CPA6: variants seen among roughly 807,000 people sequenced by gnomAD.
CPA6 encodes carboxypeptidase B.
In CPA6, 58 loss-of-function variants were observed where a neutral mutation model predicts 63.3. That is an observed-to-expected ratio of 0.92 (90% confidence interval 0.74 to 1.14). CPA6 has a LOEUF of 1.14. Ranked by LOEUF, CPA6 falls within the 50% of genes most tolerant of loss-of-function variation. The pLI, the probability that CPA6 is intolerant of heterozygous loss-of-function variation, is 0.00. For synonymous variants in CPA6, 185 were observed against 179.0 expected (o/e 1.03, Z -0.27); for missense variants, 565 against 526.6 (o/e 1.07, Z -0.71).
intron 6 of CPA6, among the ~76,000 whole-genome samples, chr8:67,489,820 T>C (rs1811566627): frequency 1.3e-5 from 2 of 152,350 alleles, no homozygotes. Context: ...TTCTCTTACA[T>C]GCTGTCAATT....
chr8:67,515,863 C>T (rs1812134287), intron 3 of CPA6, among the ~76,000 whole-genome samples: 1 of 152,192 alleles, frequency 6.6e-6, no homozygotes, highest in Non-Finnish European at 1.5e-5. Flanking sequence ...TCCAACTACT[C>T]ACATTTTGTC....
At chr8:67,514,132 A>G (rs11989150) in intron 3 of CPA6, among the ~76,000 whole-genome samples, 4,163 of 151,924 alleles carry the variant, frequency 0.027, 185 homozygotes, top group African/African-American at 0.094. Flanking sequence ...TAATTTTTGT[A>G]TTTTTAGTAG....
intron 2 of CPA6, among the ~76,000 whole-genome samples, chr8:67,539,801 G>A (rs1587537827): frequency 6.6e-6 from 1 of 151,988 alleles, no homozygotes; most frequent in African/African-American, 2.4e-5. Flanking sequence ...GCTATTGATA[G>A]TTTTGCATGC....
intron 6 of CPA6, among the ~76,000 whole-genome samples, chr8:67,504,030 A>T (rs910111508): frequency 8.5e-5 from 13 of 152,130 alleles, no homozygotes; most frequent in African/African-American, 3.1e-4. Flanking sequence ...CAATAAGCCA[A>T]TGTGTTACAT....
intron 2 of CPA6, among the ~76,000 whole-genome samples, chr8:67,528,002 C>G (rs1363130541): frequency 5.3e-5 from 8 of 152,126 alleles, no homozygotes; most frequent in African/African-American, 1.9e-4. Context: ...GGCTGATTTC[C>G]AAAAGTCACA....
chr8:67,619,052 C>T (rs957126540), intron 2 of CPA6, among the ~76,000 whole-genome samples: 1 of 152,190 alleles, frequency 6.6e-6, no homozygotes, highest in African/African-American at 2.4e-5. Flanking sequence ...AGTTCTATGT[C>T]TAATTAACTA....
At chr8:67,472,471 C>T (rs1811086237) in intron 8 of CPA6, among the ~76,000 whole-genome samples, 1 of 151,526 alleles carries the variant, frequency 6.6e-6, no homozygotes, top group Admixed American at 6.6e-5. Context: ...GTCACCCAGG[C>T]CGGAGTGCAG....
chr8:67,502,191 G>A (rs931230187), intron 6 of CPA6, among the ~76,000 whole-genome samples: 1 of 152,014 alleles, frequency 6.6e-6, no homozygotes, highest in Non-Finnish European at 1.5e-5. Context: ...CAGGCCAGGT[G>A]CATGGCTCAT....
intron 8 of CPA6, among the ~76,000 whole-genome samples, chr8:67,464,585 T>C (rs111983198): frequency 2.0e-4 from 30 of 152,328 alleles, no homozygotes; most frequent in African/African-American, 6.7e-4. Flanking sequence ...ACAAATTCTA[T>C]CCCACAGCCC....
chr8:67,468,639 A>T (rs1229813874), intron 8 of CPA6, among the ~76,000 whole-genome samples: 1 of 150,934 alleles, frequency 6.6e-6, no homozygotes, highest in Non-Finnish European at 1.5e-5. Context: ...TAATAATAAG[A>T]AAAAGAAATT....
At chr8:67,664,508 C>T (rs1284057886) in intron 1 of CPA6, among the ~76,000 whole-genome samples, 1 of 152,174 alleles carries the variant, frequency 6.6e-6, no homozygotes, top group Non-Finnish European at 1.5e-5. Flanking sequence ...GCCCACTGTG[C>T]ACCTGCTGCC....
chr8:67,715,254 AATTC>A (rs2129000892), intron 1 of CPA6, among the ~76,000 whole-genome samples: 1 of 152,322 alleles, frequency 6.6e-6, no homozygotes, highest in East Asian at 1.9e-4. Context: ...TTCCAATGCC[AATTC>A]TAAATTCTGG....
At chr8:67,432,607 G>C (rs116922414) in intron 9 of CPA6, among the ~76,000 whole-genome samples, 2,000 of 152,118 alleles carry the variant, frequency 0.013, 24 homozygotes, top group Admixed American at 0.02. Flanking sequence ...TCACAGGTGT[G>C]TGCCACCACC....
At chr8:67,423,518 A>G (rs1809814503) in intron 10 of CPA6, among the ~76,000 whole-genome samples, 1 of 151,742 alleles carries the variant, frequency 6.6e-6, no homozygotes, top group Non-Finnish European at 1.5e-5. Context: ...CTAGTTGGCC[A>G]TGGCCAATTA....
chr8:67,661,581 T>A (rs1182906527), intron 1 of CPA6, among the ~76,000 whole-genome samples: 1 of 152,198 alleles, frequency 6.6e-6, no homozygotes, highest in African/African-American at 2.4e-5. Flanking sequence ...TTGGATCCCA[T>A]GCAAACTGTG....
intron 2 of CPA6, among the ~76,000 whole-genome samples, chr8:67,603,761 G>T (rs1814555053): frequency 6.6e-6 from 1 of 152,170 alleles, no homozygotes; most frequent in Non-Finnish European, 1.5e-5. Flanking sequence ...ATCACTCAGT[G>T]CTAGGTTATT....
intron 2 of CPA6, among the ~76,000 whole-genome samples, chr8:67,610,489 C>T (rs1008687023): frequency 1.3e-5 from 2 of 152,146 alleles, no homozygotes; most frequent in African/African-American, 4.8e-5. Context: ...TTAATATTTG[C>T]TGTCAATTAT....
intron 8 of CPA6, among the ~76,000 whole-genome samples, chr8:67,454,936 A>C (rs560178262): frequency 7.9e-5 from 12 of 152,134 alleles, no homozygotes; most frequent in Non-Finnish European, 1.5e-4. Flanking sequence ...TGCAGTGCAG[A>C]CTCTAAGAGC....
chr8:67,536,252 T>C (rs972342408), intron 2 of CPA6, among the ~76,000 whole-genome samples: 2 of 152,208 alleles, frequency 1.3e-5, no homozygotes, highest in Non-Finnish European at 2.9e-5. Context: ...GGTAGCTTGA[T>C]GGGAATAGCA....
Sources: allele counts gnomAD v4.1 joint callset (sites outside exome capture counted in the v4.1 genomes callset), GRCh38; gene constraint gnomAD v4.1.1; transcripts MANE v1.5; gene names NCBI Gene and HGNC (gene_info 2026-07-23, HGNC 2026-07-21).